The following MBD5 variants were observed in gnomAD, a reference collection of about 807,000 sequenced individuals.
MBD5 encodes methyl-CpG binding domain protein 5, also known as methyl-CpG-binding domain protein 5.
A neutral mutation model predicts 117.3 loss-of-function variants in MBD5; 13 were observed. That is an observed-to-expected ratio of 0.11 (90% CI 0.07 to 0.18). MBD5 has a LOEUF of 0.18. MBD5 is among the 10% of genes least tolerant of loss of function. The pLI, the probability that MBD5 is intolerant of heterozygous loss-of-function variation, is 1.00. For missense variants in MBD5, 1,879 were observed against 2,093.8 expected (o/e 0.90, Z 2.00); for synonymous variants, 727 against 766.4 (o/e 0.95, Z 0.85).
intron 2 of MBD5, among the ~76,000 whole-genome samples, chr2:148,225,002 C>CT (rs942785830): frequency 7.2e-5 from 11 of 151,762 alleles, no homozygotes; most frequent in African/African-American, 2.4e-4. Context: ...AGGGTCTTGT[C>CT]TTTTTTTTGT....
At chr2:148,409,641 C>T (rs1705195241) in intron 4 of MBD5, among the ~76,000 whole-genome samples, 2 of 152,082 alleles carry the variant, frequency 1.3e-5, no homozygotes, top group Middle Eastern at 3.2e-3. Context: ...ATGTTTTATG[C>T]ACTAACATTT....
chr2:148,243,255 A>G (rs1191266196), intron 3 of MBD5, among the ~76,000 whole-genome samples: 1 of 151,980 alleles, frequency 6.6e-6, no homozygotes, highest in Non-Finnish European at 1.5e-5. Flanking sequence ...TTCTTTTTTT[A>G]TATAGAATTC....
chr2:148,026,373 CAA>C lies in MBD5; in HGVS notation c.-925+4691_-925+4692del, dbSNP rs1243261830. ...CTGAAAGTTTACAAGTACAGAAAAA[CAA>C]AGAAAAAAAACCCAGTCTTTTATAA... On this transcript the variant is annotated intron_variant, in intron 1 of 13. Coordinates refer to ENST00000642680, the MANE Select transcript of MBD5 (RefSeq NM_001378120.1). 4 of 151,602 alleles carry C rather than the reference CAA, an allele frequency of 2.6e-5. No individual in the cohort carries two copies. The East Asian group carries it at 7.8e-4, about 29-fold the overall frequency. The allele number at this position is 151,602 out of a possible 1,614,324, so 9.4% of individuals were successfully genotyped here. A position where few individuals can be genotyped will look rare whatever the true frequency, so the allele number is the denominator to read the frequency against.
rs938102442 is a variant in MBD5, at chr2:148,400,822, A to AT, written c.-556-57375dup. ...TCCATTTAATCTTATATTTAAGGTG[A>AT]TTTTTTACCCTTTTATGGATATTTG... is the stretch of plus-strand genomic sequence containing the variant. On this transcript the variant is annotated intron_variant, in intron 4 of 13. Coordinates refer to ENST00000642680, the MANE Select transcript of MBD5 (RefSeq NM_001378120.1). Among the ~76,000 whole-genome samples, 19 of 152,100 alleles carry AT rather than the reference A, an allele frequency of 1.2e-4. 1 individual carries two copies. The highest frequency in any genetic ancestry group is 6.2e-4 in the South Asian group (3 of 4,820).
chr2:148,164,289 C>G (rs1370319962), intron 1 of MBD5, among the ~76,000 whole-genome samples: 4 of 151,980 alleles, frequency 2.6e-5, no homozygotes, highest in African/African-American at 9.7e-5. Context: ...AACTGTTATG[C>G]TACAGGCACC....
intron 1 of MBD5, among the ~76,000 whole-genome samples, chr2:148,046,455 GTATT>G (rs1694537269): frequency 6.6e-6 from 1 of 152,102 alleles, no homozygotes; most frequent in African/African-American, 2.4e-5. Context: ...TTCAAACTGA[GTATT>G]TATGTAATTA....
rs187194661 is a variant in MBD5 at position 148,158,747 on chromosome 2, T to A, written c.-924-19953T>A. 2.0e-5 allele frequency among the ~76,000 whole-genome samples: 3 copies of A among 152,332 alleles called. No homozygotes were observed. The East Asian group carries it at 5.8e-4, about 29-fold the overall frequency. ...TTATTTATTTATTTTTGAGACGGAG[T>A]CTCGCTGTGTCTGCCAGGCTGGAGT... On this transcript the variant is annotated intron_variant, in intron 1 of 13. Transcript: ENST00000642680.
At chr2:148,467,033 G>C (rs1707286640) in intron 7 of MBD5, among the ~76,000 whole-genome samples, 1 of 152,084 alleles carries the variant, frequency 6.6e-6, no homozygotes, top group South Asian at 2.1e-4. Flanking sequence ...GCTAATGTAA[G>C]TCTCAAAATA....
At chr2:148,045,256 A>G (rs1341432171) in intron 1 of MBD5, among the ~76,000 whole-genome samples, 1 of 152,204 alleles carries the variant, frequency 6.6e-6, no homozygotes, top group African/African-American at 2.4e-5. Context: ...TTCCCGTTTT[A>G]CAGATGAGAA....
chr2:148,215,185 A>G (rs1558975756), intron 2 of MBD5, among the ~76,000 whole-genome samples: 3 of 152,182 alleles, frequency 2.0e-5, no homozygotes. Context: ...GTGAAATTTT[A>G]TATTCTACAT....
At chr2:148,152,792 G>T (rs1697723092) in intron 1 of MBD5, among the ~76,000 whole-genome samples, 1 of 151,248 alleles carries the variant, frequency 6.6e-6, no homozygotes, top group African/African-American at 2.4e-5. Flanking sequence ...CATTTGCTTG[G>T]TAGATCTTCC....
chr2:148,353,509 A>C (rs1361225893), intron 4 of MBD5, among the ~76,000 whole-genome samples: 2 of 152,136 alleles, frequency 1.3e-5, no homozygotes. Flanking sequence ...ACACAAACAC[A>C]TAAAGGAAGC....
intron 4 of MBD5, among the ~76,000 whole-genome samples, chr2:148,365,539 G>T (rs943781954): frequency 6.6e-6 from 1 of 152,092 alleles, no homozygotes. Flanking sequence ...GAATTGAGGA[G>T]CTGATTTTTT....
At chr2:148,090,104 T>C (rs1258027128) in intron 1 of MBD5, among the ~76,000 whole-genome samples, 7 of 152,142 alleles carry the variant, frequency 4.6e-5, no homozygotes, top group African/African-American at 1.7e-4. Flanking sequence ...GATAAATTCC[T>C]GGAAATATAC....
chr2:148,419,359 G>C (rs1040817914), intron 4 of MBD5, among the ~76,000 whole-genome samples: 2 of 152,084 alleles, frequency 1.3e-5, no homozygotes, highest in African/African-American at 4.8e-5. Flanking sequence ...TCGTAAATAT[G>C]ACACAAATAC....
intron 1 of MBD5, among the ~76,000 whole-genome samples, chr2:148,030,857 C>T (rs1363044893): frequency 1.3e-5 from 2 of 152,110 alleles, no homozygotes; most frequent in Non-Finnish European, 2.9e-5. Flanking sequence ...GGCTAACAGT[C>T]ATCATAGCTT....
chr2:148,277,519 G>A (rs1157101865), intron 3 of MBD5, among the ~76,000 whole-genome samples: 4 of 152,180 alleles, frequency 2.6e-5, no homozygotes, highest in African/African-American at 7.2e-5. Context: ...TAGAGACAGG[G>A]TCTTGCTCTG....
intron 1 of MBD5, among the ~76,000 whole-genome samples, chr2:148,158,779 G>A (rs1697932581): frequency 6.6e-6 from 1 of 152,192 alleles, no homozygotes; most frequent in Admixed American, 6.5e-5. Context: ...GAGTGCAGTG[G>A]CGCAATCTCA....
chr2:148,350,574 A>T (rs1703226411), intron 4 of MBD5, among the ~76,000 whole-genome samples: 1 of 152,070 alleles, frequency 6.6e-6, no homozygotes, highest in African/African-American at 2.4e-5. Context: ...AATAATTTTT[A>T]TAAGTGCAAA....
Sources: gnomAD v4.1 joint callset for allele counts (sites outside exome capture counted in the v4.1 genomes callset) on GRCh38, gnomAD v4.1.1 for gene constraint, MANE v1.5 for transcripts, NCBI Gene and HGNC (gene_info 2026-07-23, HGNC 2026-07-21) for gene names.